Variants in CSGALNACT1 observed in about 807,000 individuals in gnomAD.
CSGALNACT1 encodes the protein chondroitin sulfate N-acetylgalactosaminyltransferase 1.
CSGALNACT1 carries 52 observed loss-of-function variants against 51.0 expected under a neutral mutation model. The ratio of observed to expected loss-of-function variants is 1.02; its 90% CI spans 0.82 to 1.29. The LOEUF (loss-of-function observed/expected upper bound fraction) is 1.29. Ranked by LOEUF, CSGALNACT1 falls within the 50% of genes most tolerant of loss-of-function variation. CSGALNACT1 has a pLI of 0.00. For missense variants in CSGALNACT1, 935 were observed against 679.2 expected (o/e 1.38, Z -4.19); for synonymous variants, 341 against 254.4 (o/e 1.34, Z -3.24).
At chr8:19,476,840 G>A (rs941869502) in intron 4 of CSGALNACT1, among the ~76,000 whole-genome samples, 2 of 152,282 alleles carry the variant, frequency 1.3e-5, no homozygotes, top group East Asian at 1.9e-4. Flanking sequence ...GGACATGTGA[G>A]TGAGCAAGCC....
chr8:19,624,489 T>G (rs533713669), intron 1 of CSGALNACT1, among the ~76,000 whole-genome samples: 62 of 152,176 alleles, frequency 4.1e-4, no homozygotes, highest in African/African-American at 1.4e-3. Context: ...GCCAACACAG[T>G]ATATTAATTG....
chr8:19,504,242 A>C (rs2076910606), intron 4 of CSGALNACT1, among the ~76,000 whole-genome samples: 1 of 151,990 alleles, frequency 6.6e-6, no homozygotes, highest in Non-Finnish European at 1.5e-5. Context: ...AGGCCCGGCT[A>C]ATTTTTTGTA....
intron 2 of CSGALNACT1, among the ~76,000 whole-genome samples, chr8:19,599,560 G>GGAAA (rs771716493): frequency 2.9e-5 from 4 of 139,336 alleles, no homozygotes; most frequent in South Asian, 2.4e-4. Context: ...AGAAGGAAAG[G>GGAAA]GAAAGAAAGA....
intron 1 of CSGALNACT1, among the ~76,000 whole-genome samples, chr8:19,677,702 G>T (rs573211437): frequency 1.3e-5 from 2 of 152,298 alleles, no homozygotes; most frequent in East Asian, 3.9e-4. Flanking sequence ...CTTCAGCGAA[G>T]TAAGAAGCAG....
At chr8:19,530,727 T>C (rs538774631) in intron 3 of CSGALNACT1, among the ~76,000 whole-genome samples, 31 of 152,038 alleles carry the variant, frequency 2.0e-4, no homozygotes, top group Non-Finnish European at 3.5e-4. Flanking sequence ...CAAGACCTTA[T>C]CTCATAAAGG....
intron 2 of CSGALNACT1, among the ~76,000 whole-genome samples, chr8:19,592,844 T>G (rs1281997170): frequency 1.3e-5 from 2 of 152,186 alleles, no homozygotes; most frequent in African/African-American, 2.4e-5. Flanking sequence ...AAAGAACACA[T>G]AAGTTCTTTG....
chr8:19,553,511 C>T (rs2088757248), intron 3 of CSGALNACT1, among the ~76,000 whole-genome samples: 1 of 150,846 alleles, frequency 6.6e-6, no homozygotes, highest in Non-Finnish European at 1.5e-5. Flanking sequence ...CAAAACAAAG[C>T]CTGCCAGTCA....
intron 4 of CSGALNACT1, among the ~76,000 whole-genome samples, chr8:19,493,607 C>T (rs138831161): frequency 3.0e-4 from 45 of 152,302 alleles, no homozygotes; most frequent in African/African-American, 1.0e-3. Context: ...TAGTCTTTGA[C>T]ATCTGGTTTT....
chr8:19,437,149 C>T (rs1485595114), intron 6 of CSGALNACT1, among the ~76,000 whole-genome samples: 1 of 151,776 alleles, frequency 6.6e-6, no homozygotes, highest in Middle Eastern at 3.2e-3. Context: ...TTTAGAGGTG[C>T]AGAAAGTGAG....
At chr8:19,407,973 G>C (rs894719579) in intron 9 of CSGALNACT1, among the ~76,000 whole-genome samples, 1 of 151,660 alleles carries the variant, frequency 6.6e-6, no homozygotes, top group African/African-American at 2.4e-5. Flanking sequence ...TGCACATTTA[G>C]TCAGAGCTTA....
intron 6 of CSGALNACT1, among the ~76,000 whole-genome samples, chr8:19,435,268 GC>G (rs1208295852): frequency 3.9e-5 from 6 of 152,166 alleles, no homozygotes; most frequent in African/African-American, 9.7e-5. Context: ...GCCGAGGTGG[GC>G]GGATCACAAG....
chr8:19,505,208 G>A lies in CSGALNACT1; in HGVS notation c.627C>T (p.Phe209=), dbSNP rs761191341. The change falls in exon 4 of 10, where the codon TTC becomes TTT. Residue 209 remains phenylalanine, a synonymous_variant. Transcript: ENST00000454498. ...AATTCACAAAATGCTAACCTTCTAT[G>A]AAATCAGAGGCCGTGTAAGGACGGT... 21 of 1,613,988 alleles carry A rather than the reference G, an allele frequency of 1.3e-5. No homozygotes were observed. In the Admixed American group the frequency reaches 2.7e-4, roughly 20 times the overall value.
At chr8:19,673,883 A>C (rs981669458) in intron 1 of CSGALNACT1, among the ~76,000 whole-genome samples, 4 of 152,242 alleles carry the variant, frequency 2.6e-5, no homozygotes, top group Admixed American at 2.6e-4. Flanking sequence ...GTGAGTGCCT[A>C]TCCTGTGCCA....
At chr8:19,644,131 TTG>T (rs1462119924) in intron 1 of CSGALNACT1, among the ~76,000 whole-genome samples, 1 of 152,112 alleles carries the variant, frequency 6.6e-6, no homozygotes, top group Non-Finnish European at 1.5e-5. Context: ...AATAGAAAAT[TTG>T]TGATATATGT....
chr8:19,569,121 T>C (rs1191931658), intron 3 of CSGALNACT1, among the ~76,000 whole-genome samples: 1 of 152,144 alleles, frequency 6.6e-6, no homozygotes, highest in Non-Finnish European at 1.5e-5. Context: ...AGGAGACAGA[T>C]ATGGAGTACA....
At chr8:19,733,777 T>C (rs893292282) in intron 1 of CSGALNACT1, among the ~76,000 whole-genome samples, 1 of 152,232 alleles carries the variant, frequency 6.6e-6, no homozygotes, top group Non-Finnish European at 1.5e-5. Flanking sequence ...CTTCTGCTCA[T>C]ATGAGTTTTA....
At chr8:19,649,834 A>AAAAAAAAC (rs2057633808) in intron 1 of CSGALNACT1, among the ~76,000 whole-genome samples, 1 of 147,782 alleles carries the variant, frequency 6.8e-6, no homozygotes, top group Non-Finnish European at 1.5e-5. Flanking sequence ...AAAAAAAAAA[A>AAAAAAAAC]AAAAAAAAAA....
chr8:19,487,390 G>C (rs916865049), intron 4 of CSGALNACT1, among the ~76,000 whole-genome samples: 1 of 152,174 alleles, frequency 6.6e-6, no homozygotes. Context: ...AAAGAGCACA[G>C]GATGCCCAGT....
chr8:19,404,622 A>ATAT (rs1554492618), exon 10 of CSGALNACT1: 1 of 434,126 alleles, frequency 2.3e-6, no homozygotes, highest in Non-Finnish European at 4.5e-6. Context: ...ATATATATAT[A>ATAT]TTTTTTTCTC....
Sources: gnomAD v4.1 joint callset for allele counts (sites outside exome capture counted in the v4.1 genomes callset) on GRCh38, gnomAD v4.1.1 for gene constraint, MANE v1.5 for transcripts, NCBI Gene and HGNC (gene_info 2026-07-23, HGNC 2026-07-21) for gene names.